INO80: variants seen among roughly 807,000 people sequenced by gnomAD.
INO80 encodes chromatin-remodeling ATPase INO80.
In INO80, 20 loss-of-function variants were observed where a neutral mutation model predicts 203.4. The observed-to-expected ratio is 0.10, with a 90% CI of 0.07 to 0.14. The LOEUF is 0.14. INO80 is among the 10% of genes least tolerant of loss of function. INO80 has a pLI of 1.00. For synonymous variants in INO80, 726 were observed against 685.2 expected (o/e 1.06, Z -0.93); for missense variants, 1,419 against 1,914.4 (o/e 0.74, Z 4.83).
At chr15:41,066,768 C>T (rs1028777197) in intron 14 of INO80, among the ~76,000 whole-genome samples, 2 of 133,824 alleles carry the variant, frequency 1.5e-5, no homozygotes, top group Admixed American at 8.9e-5. Context: ...TTCAGGGCTG[C>T]GGTGAGCTAT....
intron 14 of INO80, among the ~76,000 whole-genome samples, chr15:41,068,885 T>C (rs75275253): frequency 0.033 from 4,965 of 151,826 alleles, 216 homozygotes; most frequent in African/African-American, 0.095. Flanking sequence ...ACAAGACATG[T>C]ATTAAAAAAA....
At chr15:41,085,337 C>T (rs2045545161) in intron 7 of INO80, 32 bp downstream of exon 7, 1 of 1,582,306 alleles carries the variant, frequency 6.3e-7, no homozygotes, top group African/African-American at 1.3e-5. Flanking sequence ...AAACATTCTC[C>T]TAATTTCCAT....
At chr15:41,005,386 T>C in intron 28 of INO80, 1 of 459,412 alleles carries the variant, frequency 2.2e-6, no homozygotes, top group Non-Finnish European at 3.8e-6. Flanking sequence ...ACATACAAAC[T>C]ATCAGGTATA....
intron 4 of INO80, among the ~76,000 whole-genome samples, chr15:41,095,292 G>C (rs2045706103): frequency 6.6e-6 from 1 of 152,210 alleles, no homozygotes; most frequent in African/African-American, 2.4e-5. Flanking sequence ...AGTGAGCTGA[G>C]ATCATGCCAT....
Position 41,056,748 on chromosome 15 carries a change from T to G in INO80, c.1986-42A>C, listed in dbSNP as rs1341144507. ...GTTACAAATTCATGTTAGCAATAAA[T>G]TGTTCTTTAATTATCCTACTGAGAC... On this transcript the variant is annotated intron_variant, in intron 16 of 35. Coordinates refer to ENST00000648947, the MANE Select transcript of INO80 (RefSeq NM_017553.3). 3 of 1,562,976 alleles carry G rather than the reference T, an allele frequency of 1.9e-6. No individual in the cohort carries two copies. The African/African-American group carries it at 4.1e-5, about 21-fold the overall frequency.
chr15:41,046,330 A>G (rs1218941532), intron 23 of INO80, among the ~76,000 whole-genome samples: 1 of 148,436 alleles, frequency 6.7e-6, no homozygotes, highest in Non-Finnish European at 1.5e-5. Context: ...CCTGGGTTCC[A>G]GTGATTCTCC....
chr15:41,092,111 A>T lies in INO80; in HGVS notation c.453T>A (p.Asn151Lys), dbSNP rs772479353. ...TGTTGTGAAGTTCTTCTCTGCTGAG[A>T]TTGAGTTCTTCTTCATCATCGTCTT... Reference protein sequence around the residue: ...QSEDDDEEELNLSREELHNML... With the variant: ...QSEDDDEEELKLSREELHNML... Residue 151 changes from asparagine (N) to lysine (K), a missense_variant, in exon 5 of 36, where the codon AAT (asparagine) becomes AAA (lysine). By Grantham distance (94) the Asn-to-Lys change is moderately conservative (BLOSUM62 0). Transcript: ENST00000648947. The T allele has an allele frequency of 6.2e-7, 1 of 1,612,498 alleles. No homozygotes were observed. The highest frequency in any genetic ancestry group is 1.1e-5 in the South Asian group (1 of 91,018).
chr15:41,053,910 T>G lies in INO80; in HGVS notation c.2274+19A>C. ...TGGTGCCTATTGAGGCTTAAACACATGAGGTCTTCTTTACTTACCTTGTCA... is the reference window on the plus strand; with the variant it reads ...TGGTGCCTATTGAGGCTTAAACACAGGAGGTCTTCTTTACTTACCTTGTCA... On this transcript the variant is annotated intron_variant, in intron 19 of 35. Coordinates refer to ENST00000648947, the MANE Select transcript of INO80 (RefSeq NM_017553.3). The G allele has an allele frequency of 6.3e-7, 1 of 1,593,568 alleles. No homozygotes were observed.
intron 17 of INO80, 82 bp downstream of exon 17, chr15:41,056,540 G>C: frequency 9.1e-7 from 1 of 1,104,740 alleles, no homozygotes; most frequent in South Asian, 1.3e-5. Flanking sequence ...GCACTGCAAG[G>C]GAATGGGTAA....
chr15:40,980,139 G>T lies in INO80; in HGVS notation c.*84C>A. 1 of 1,071,186 alleles carries T rather than the reference G, an allele frequency of 9.3e-7. No individual in the cohort carries two copies. Among genetic ancestry groups the T allele is most frequent in the Non-Finnish European group, 1.4e-6 (1 of 706,674 alleles). The allele number at this position is 1,071,186 out of a possible 1,614,324, so 66.4% of individuals were successfully genotyped here. On this transcript the variant is annotated 3_prime_UTR_variant, in exon 36 of 36. Transcript: ENST00000648947. ...CTTCTGACTCAGGATGCAAGATGCT[G>T]CACGGGGCAAGCCATCCAAAGACCA... is the stretch of plus-strand genomic sequence containing the variant.
chr15:41,095,456 A>G (rs925691801), intron 4 of INO80, 145 bp downstream of exon 4: 4 of 633,930 alleles, frequency 6.3e-6, no homozygotes, highest in Admixed American at 6.0e-5. Flanking sequence ...TTTTCTCAAT[A>G]ATCTCTTCAA....
chr15:40,982,776 G>T, intron 35 of INO80, 86 bp downstream of exon 35: 2 of 1,118,394 alleles, frequency 1.8e-6, no homozygotes, highest in Non-Finnish European at 2.6e-6. Flanking sequence ...CGGCTTCAGG[G>T]TTTCCTACAT....
At chr15:41,053,557 C>A (rs1000891006) in intron 19 of INO80, among the ~76,000 whole-genome samples, 1 of 152,086 alleles carries the variant, frequency 6.6e-6, no homozygotes, top group Non-Finnish European at 1.5e-5. Flanking sequence ...AAAACCAAAT[C>A]TTTTAGAAAT....
chr15:41,045,581 C>CAA lies in INO80; in HGVS notation c.2736-508_2736-507dup, dbSNP rs61411603. Among the ~76,000 whole-genome samples, 319 of 129,326 alleles carry CAA rather than the reference C, an allele frequency of 2.5e-3. 1 individual carries two copies. Among genetic ancestry groups the CAA allele is most frequent in the South Asian group, 0.012 (47 of 3,952 alleles). The allele number at this position is 129,326 out of a possible 152,430, so 84.8% of individuals were successfully genotyped here. On this transcript the variant is annotated intron_variant, in intron 23 of 35. Coordinates refer to ENST00000648947, the MANE Select transcript of INO80 (RefSeq NM_017553.3). ...TGGGCGACAGAGCGAGACTCTGTCT[C>CAA]AAAAAAAAAAAAAAAAAAAAATTCA...
intron 23 of INO80, among the ~76,000 whole-genome samples, chr15:41,046,185 G>C (rs902824166): frequency 5.7e-4 from 81 of 141,268 alleles, no homozygotes; most frequent in African/African-American, 1.8e-3. Context: ...GTCTGTGTGT[G>C]TCTCTGTGTG....
chr15:41,044,496 C>A (rs909632937), intron 24 of INO80, among the ~76,000 whole-genome samples: 1 of 152,064 alleles, frequency 6.6e-6, no homozygotes, highest in Non-Finnish European at 1.5e-5. Context: ...CAAAAATAAT[C>A]TACGGTGACA....
At chr15:41,098,171 G>T (rs1053848419) in intron 1 of INO80, among the ~76,000 whole-genome samples, 3 of 152,066 alleles carry the variant, frequency 2.0e-5, no homozygotes, top group Non-Finnish European at 4.4e-5. Context: ...AAGCTTTAAA[G>T]GCAATCATAC....
At chr15:41,112,729 A>G (rs2045974358) in intron 1 of INO80, among the ~76,000 whole-genome samples, 1 of 128,172 alleles carries the variant, frequency 7.8e-6, no homozygotes, top group Admixed American at 9.6e-5. Flanking sequence ...CAGAGGGTGC[A>G]GTGAGCCTAG....
chr15:41,036,183 A>AC (rs2044572907), intron 24 of INO80, among the ~76,000 whole-genome samples: 1 of 149,618 alleles, frequency 6.7e-6, no homozygotes, highest in East Asian at 1.9e-4. Flanking sequence ...AAAAAAAAAA[A>AC]AACCCAAAAA....
Sources: gnomAD v4.1 joint callset for allele counts (sites outside exome capture counted in the v4.1 genomes callset) on GRCh38, gnomAD v4.1.1 for gene constraint, MANE v1.5 for transcripts, NCBI Gene and HGNC (gene_info 2026-07-23, HGNC 2026-07-21) for gene names.